Variants in PKP2 observed in about 807,000 individuals in gnomAD.
PKP2 encodes the protein plakophilin-2.
PKP2 carries 73 observed loss-of-function variants against 83.4 expected under a neutral mutation model. That is an observed-to-expected ratio of 0.88 (90% CI 0.72 to 1.06). The LOEUF is 1.06. Ranked by LOEUF, PKP2 falls within the 50% of genes least tolerant of loss-of-function variation. PKP2 has a pLI of 0.00. For missense variants in PKP2, 966 were observed against 1,065.4 expected (o/e 0.91, Z 1.30); for synonymous variants, 409 against 430.4 (o/e 0.95, Z 0.62).
chr12:32,814,879 C>T lies in PKP2; in HGVS notation c.2013+6477G>A, dbSNP rs538814534. Among the ~76,000 whole-genome samples the T allele has an allele frequency of 6.6e-5, 10 of 151,830 alleles. No homozygotes were observed. The South Asian group carries it at 1.7e-3, about 25-fold the overall frequency. On this transcript the variant is annotated intron_variant, in intron 9 of 12. Coordinates refer to ENST00000340811, the MANE Select transcript of PKP2 (RefSeq NM_001005242.3). ...GGCGGAGGTTGCAGTGAGCTGAGAT[C>T]GTGCCACTGGACTCCACCCTAGGCG...
intron 4 of PKP2, among the ~76,000 whole-genome samples, chr12:32,857,684 A>G (rs1000709880): frequency 3.3e-5 from 5 of 152,154 alleles, no homozygotes; most frequent in Non-Finnish European, 7.4e-5. Context: ...TGAAGCATAT[A>G]CATTTTTAGG....
chr12:32,866,550 C>CAAAAAA (rs56079220), intron 4 of PKP2, among the ~76,000 whole-genome samples: 4 of 36,206 alleles, frequency 1.1e-4, no homozygotes, highest in Admixed American at 4.9e-4. Flanking sequence ...GATCCTTTCT[C>CAAAAAA]AAAAAAAAAA....
At position 32,795,662 on chromosome 12, in the gene PKP2, T is replaced by A. The variant is rs563829846; in HGVS notation, c.2357+447A>T. Reference sequence around the variant, plus strand: ...TCCCAAAGTGCTGGGATTACAGGCATGAGCCACTGTGCCCAGCCCATCACT... The same window carrying A: ...TCCCAAAGTGCTGGGATTACAGGCAAGAGCCACTGTGCCCAGCCCATCACT... On this transcript the variant is annotated intron_variant, in intron 11 of 12. Transcript: ENST00000340811. 2.6e-5 allele frequency among the ~76,000 whole-genome samples: 4 copies of A among 152,310 alleles called. No individual in the cohort carries two copies. The East Asian group carries it at 5.8e-4, about 22-fold the overall frequency.
chr12:32,801,616 A>G, intron 10 of PKP2, among the ~76,000 whole-genome samples: 1 of 152,176 alleles, frequency 6.6e-6, no homozygotes. Context: ...AACAGGCAAA[A>G]TATTGTTTAT....
intron 1 of PKP2, among the ~76,000 whole-genome samples, chr12:32,884,796 T>TC (rs1212462972): frequency 1.3e-5 from 2 of 151,050 alleles, no homozygotes; most frequent in African/African-American, 2.5e-5. Context: ...TTTTTTTTTT[T>TC]CTGCTAAGTT....
rs1956408365 is a variant in PKP2, at chr12:32,824,041, T to G, written c.1674+4A>C. The G allele has an allele frequency of 6.6e-7, 1 of 1,512,406 alleles. No individual in the cohort carries two copies. The highest frequency in any genetic ancestry group is 9.2e-7 in the Non-Finnish European group (1 of 1,088,408). 93.7% of individuals were successfully genotyped at this position (1,512,406 alleles called of 1,614,324 possible). A position where few individuals can be genotyped will look rare whatever the true frequency, so the allele number is the denominator to read the frequency against. On this transcript the variant is annotated splice_donor_region_variant and intron_variant, in intron 7 of 12. Coordinates refer to ENST00000340811, the MANE Select transcript of PKP2 (RefSeq NM_001005242.3). ...CAAAACAGGATATTTATCTCTTGAA[T>G]TACCTTGTCATCTGGCTGGTAATCT...
chr12:32,850,684 G>A (rs1446899907), intron 5 of PKP2, 82 bp downstream of exon 5: 2 of 1,058,378 alleles, frequency 1.9e-6, no homozygotes, highest in African/African-American at 3.1e-5. Context: ...TTTGCTCCAG[G>A]AAACTTAAGA....
Position 32,877,953 on chromosome 12 carries a change from G to C in PKP2, c.927C>G (p.Ala309=). 6.2e-7 allele frequency: 1 copy of C among 1,614,142 alleles called. No individual in the cohort carries two copies. The highest frequency in any genetic ancestry group is 1.1e-5 in the South Asian group (1 of 91,084). The change falls in exon 3 of 13, where the codon GCC becomes GCG. Residue 309 remains alanine, a synonymous_variant. Transcript: ENST00000340811. ...RTLREAGPSV[A]VDSSGRRAHL... ...GCGCTCTCCTCCCGCTGGAATCCAC[G>C]GCGACACTGGGCCCAGCTTCCCTCA...
At chr12:32,871,647 G>A (rs1477617877) in intron 3 of PKP2, among the ~76,000 whole-genome samples, 1 of 152,020 alleles carries the variant, frequency 6.6e-6, no homozygotes, top group African/African-American at 2.4e-5. Context: ...TCTATTTGTA[G>A]TAGAGATGGG....
chr12:32,802,364 G>C (rs770370420), intron 10 of PKP2, 39 bp downstream of exon 10: 2 of 1,585,358 alleles, frequency 1.3e-6, no homozygotes, highest in East Asian at 4.5e-5. Context: ...TGTATCTTCA[G>C]CATGTACATA....
chr12:32,847,477 T>C (rs1956657220), intron 5 of PKP2, among the ~76,000 whole-genome samples: 1 of 152,216 alleles, frequency 6.6e-6, no homozygotes, highest in Admixed American at 6.5e-5. Context: ...GTTAGTCTCC[T>C]ATTGCCTATG....
rs751510872 is a variant in PKP2, at chr12:32,797,560, C to CTTTTTTTT, written c.2168-1270_2168-1263dup. 7.8e-3 allele frequency among the ~76,000 whole-genome samples: 1,037 copies of CTTTTTTTT among 132,700 alleles called. 14 individuals carry two copies. Among genetic ancestry groups the CTTTTTTTT allele is most frequent in the South Asian group, 0.042 (166 of 3,976 alleles). The allele number at this position is 132,700 out of a possible 152,430, so 87.1% of individuals were successfully genotyped here. A position where few individuals can be genotyped will look rare whatever the true frequency, so the allele number is the denominator to read the frequency against. ...AACAATATTAATAGTGAACTAAAAT[C>CTTTTTTTT]TTTTTTTTTTTTTGAAACAGAGTCT... On this transcript the variant is annotated intron_variant, in intron 10 of 12. Coordinates refer to ENST00000340811, the MANE Select transcript of PKP2 (RefSeq NM_001005242.3).
intron 6 of PKP2, among the ~76,000 whole-genome samples, chr12:32,825,152 A>T (rs1161896058): frequency 2.7e-5 from 4 of 149,650 alleles, no homozygotes; most frequent in African/African-American, 9.8e-5. Flanking sequence ...AAAATGTATC[A>T]GATCAGTTTC....
intron 1 of PKP2, among the ~76,000 whole-genome samples, chr12:32,889,324 G>C (rs1957058059): frequency 6.6e-6 from 1 of 152,216 alleles, no homozygotes; most frequent in Admixed American, 6.5e-5. Flanking sequence ...GCAGATAACA[G>C]TAAGAAACTG....
At chr12:32,826,819 T>C (rs1956446419) in intron 6 of PKP2, among the ~76,000 whole-genome samples, 1 of 152,156 alleles carries the variant, frequency 6.6e-6, no homozygotes, top group Non-Finnish European at 1.5e-5. Context: ...ATTTTATACA[T>C]GAAAAACTAG....
intron 7 of PKP2, among the ~76,000 whole-genome samples, chr12:32,822,856 G>A (rs1467230080): frequency 6.6e-6 from 1 of 152,164 alleles, no homozygotes; most frequent in Non-Finnish European, 1.5e-5. Context: ...AGTCTTTTTA[G>A]TTTACTTTCT....
intron 4 of PKP2, among the ~76,000 whole-genome samples, chr12:32,862,096 C>T (rs150690043): frequency 6.6e-6 from 1 of 152,108 alleles, no homozygotes; most frequent in Non-Finnish European, 1.5e-5. Flanking sequence ...AGGGTTTTAC[C>T]ATGTTGCCCA....
chr12:32,890,116 A>G (rs1285476032), intron 1 of PKP2, among the ~76,000 whole-genome samples: 1 of 148,074 alleles, frequency 6.8e-6, no homozygotes, highest in Non-Finnish European at 1.5e-5. Context: ...GACTTTGTTC[A>G]TTTTGGCAAG....
chr12:32,879,996 C>T (rs571407784), intron 1 of PKP2, among the ~76,000 whole-genome samples: 54 of 151,744 alleles, frequency 3.6e-4, no homozygotes, highest in Non-Finnish European at 6.6e-4. Flanking sequence ...TTCAGTTTCC[C>T]GAGTCACAGA....
Sources: gnomAD v4.1 joint callset for allele counts (sites outside exome capture counted in the v4.1 genomes callset) on GRCh38, gnomAD v4.1.1 for gene constraint, MANE v1.5 for transcripts, NCBI Gene and HGNC (gene_info 2026-07-23, HGNC 2026-07-21) for gene names.